CADM2: variants seen among roughly 807,000 people sequenced by gnomAD.
CADM2 encodes the protein immunoglobulin superfamily member 4D.
A neutral mutation model predicts 49.8 loss-of-function variants in CADM2; 12 were observed. The ratio of observed to expected loss-of-function variants is 0.24; its 90% confidence interval spans 0.15 to 0.39. The LOEUF is 0.39. Ranked by LOEUF, CADM2 falls within the 10% of genes least tolerant of loss-of-function variation. The probability of loss-of-function intolerance (pLI) is 1.00; values close to 1 mark genes in which losing one functional copy is unlikely to be tolerated. For synonymous variants in CADM2, 214 were observed against 175.4 expected (o/e 1.22, Z -1.74); for missense variants, 378 against 492.3 (o/e 0.77, Z 2.20).
intron 8 of CADM2, among the ~76,000 whole-genome samples, chr3:85,987,506 A>C (rs1319289561): frequency 6.6e-6 from 1 of 150,420 alleles, no homozygotes; most frequent in Non-Finnish European, 1.5e-5. Context: ...TTTTCTGAAA[A>C]ACAATCCCTA....
intron 1 of CADM2, among the ~76,000 whole-genome samples, chr3:85,342,480 A>G (rs1327523269): frequency 1.3e-5 from 2 of 152,072 alleles, no homozygotes; most frequent in Admixed American, 1.3e-4. Context: ...TGGGGAGATA[A>G]TACATTAGAG....
At chr3:85,674,257 A>AAAC (rs2065828841) in intron 1 of CADM2, among the ~76,000 whole-genome samples, 1 of 152,188 alleles carries the variant, frequency 6.6e-6, no homozygotes, top group African/African-American at 2.4e-5. Flanking sequence ...TATGATAAGG[A>AAAC]AACATCTCCA....
At chr3:85,231,680 TA>T (rs2042292407) in intron 1 of CADM2, among the ~76,000 whole-genome samples, 1 of 150,642 alleles carries the variant, frequency 6.6e-6, no homozygotes, top group African/African-American at 2.4e-5. Flanking sequence ...ATAAGTGGGG[TA>T]GGGGGAGTAT....
At chr3:85,381,349 G>A (rs1029973175) in intron 1 of CADM2, among the ~76,000 whole-genome samples, 1 of 150,750 alleles carries the variant, frequency 6.6e-6, no homozygotes, top group Non-Finnish European at 1.5e-5. Flanking sequence ...GTGGAATTTT[G>A]ACTTCTGATC....
chr3:85,600,018 G>T (rs1216144172), intron 1 of CADM2, among the ~76,000 whole-genome samples: 2 of 151,958 alleles, frequency 1.3e-5, no homozygotes, highest in African/African-American at 4.8e-5. Context: ...ATTCAAAAAT[G>T]TAGCACAAAC....
intron 8 of CADM2, among the ~76,000 whole-genome samples, chr3:86,020,965 A>G (rs1733082572): frequency 6.6e-6 from 1 of 152,090 alleles, no homozygotes; most frequent in Admixed American, 6.6e-5. Flanking sequence ...CCTATTCAAC[A>G]TAGTGTTGGA....
At chr3:85,895,961 G>A (rs1715160696) in intron 5 of CADM2, among the ~76,000 whole-genome samples, 1 of 152,114 alleles carries the variant, frequency 6.6e-6, no homozygotes, top group South Asian at 2.1e-4. Context: ...TTTATTAGTA[G>A]TGTGAGAATG....
rs532871691 is a variant in CADM2, at chr3:85,299,207, C to A, written c.61+339539C>A. 2.6e-5 allele frequency among the ~76,000 whole-genome samples: 4 copies of A among 152,074 alleles called. No individual in the cohort carries two copies. The South Asian group carries it at 6.2e-4, about 24-fold the overall frequency. On this transcript the variant is annotated intron_variant, in intron 1 of 9. Transcript: ENST00000383699. ...CAGAAATTTTACATTTATTTACAAA[C>A]GAATAACTATTATTTGCTAAATATA...
At chr3:84,982,811 T>C (rs1230800171) in intron 1 of CADM2, among the ~76,000 whole-genome samples, 3 of 149,616 alleles carry the variant, frequency 2.0e-5, no homozygotes, top group East Asian at 4.0e-4. Flanking sequence ...AGTGATGTGA[T>C]CTCAGCTCAC....
Position 84,959,215 on chromosome 3 carries a change from T to C in CADM2, c.-393T>C. The C allele has an allele frequency of 3.3e-6, 1 of 299,190 alleles. No homozygotes were observed. The highest frequency in any genetic ancestry group is 3.8e-5 in the South Asian group (1 of 26,298). The allele number at this position is 299,190 out of a possible 1,614,324, so 18.5% of individuals were successfully genotyped here. On this transcript the variant is annotated 5_prime_UTR_variant, in exon 1 of 10. Coordinates refer to ENST00000383699, the MANE Select transcript of CADM2 (RefSeq NM_001167675.2). ...CCCTTCCCCTCCGTGACCTACCCACTCCTTGCAGCCCTCGCCCGCACCTTC... is the reference window on the plus strand; with the variant it reads ...CCCTTCCCCTCCGTGACCTACCCACCCCTTGCAGCCCTCGCCCGCACCTTC...
At chr3:86,042,048 A>G (rs979500981) in intron 8 of CADM2, among the ~76,000 whole-genome samples, 12 of 152,236 alleles carry the variant, frequency 7.9e-5, no homozygotes, top group African/African-American at 2.7e-4. Context: ...AAGACACAAC[A>G]TACCAGAAAC....
chr3:85,635,416 C>A (rs2064440144), intron 1 of CADM2, among the ~76,000 whole-genome samples: 1 of 152,104 alleles, frequency 6.6e-6, no homozygotes. Context: ...AAACTAGTCA[C>A]AGTAATCTCG....
intron 1 of CADM2, among the ~76,000 whole-genome samples, chr3:85,401,476 A>G (rs888707181): frequency 6.6e-6 from 1 of 152,144 alleles, no homozygotes; most frequent in Non-Finnish European, 1.5e-5. Context: ...CTTGGTTGGC[A>G]TGTGGTGAAG....
intron 1 of CADM2, among the ~76,000 whole-genome samples, chr3:85,071,894 G>A (rs899776564): frequency 1.3e-5 from 2 of 151,362 alleles, no homozygotes; most frequent in Admixed American, 6.6e-5. Context: ...TACCAACAAG[G>A]TCATTCTGGT....
chr3:85,919,954 C>T (rs575751946), intron 6 of CADM2, among the ~76,000 whole-genome samples: 6 of 151,980 alleles, frequency 3.9e-5, no homozygotes, highest in African/African-American at 1.4e-4. Context: ...GGCAGAGATT[C>T]TTTATTTCAT....
At chr3:85,298,047 A>G (rs2044008487) in intron 1 of CADM2, among the ~76,000 whole-genome samples, 2 of 152,028 alleles carry the variant, frequency 1.3e-5, no homozygotes, top group Non-Finnish European at 2.9e-5. Context: ...GTTTATTACC[A>G]TATTATTTAG....
chr3:85,739,099 A>G lies in CADM2; in HGVS notation c.88+12551A>G, dbSNP rs116622310. Among the ~76,000 whole-genome samples the G allele has an allele frequency of 8.5e-3, 1,292 of 152,266 alleles. 10 individuals carry two copies. The highest frequency in any genetic ancestry group is 0.014 in the Non-Finnish European group (950 of 67,964). ...AAAATAAACATCACCATTTTGCCCT[A>G]CATGATGACATTTATCATTGGCTTC... On this transcript the variant is annotated intron_variant, in intron 2 of 9. Transcript: ENST00000383699.
intron 2 of CADM2, among the ~76,000 whole-genome samples, chr3:85,784,047 CAT>C (rs1358430422): frequency 2.0e-5 from 3 of 152,316 alleles, no homozygotes; most frequent in East Asian, 1.9e-4. Context: ...CACACACACA[CAT>C]GCGTGCATGC....
At chr3:85,642,167 A>G (rs1298428003) in intron 1 of CADM2, among the ~76,000 whole-genome samples, 3 of 152,204 alleles carry the variant, frequency 2.0e-5, no homozygotes, top group Non-Finnish European at 4.4e-5. Flanking sequence ...TCATACTTAG[A>G]TAGACAGCCC....
Sources: allele counts gnomAD v4.1 joint callset (sites outside exome capture counted in the v4.1 genomes callset), GRCh38; gene constraint gnomAD v4.1.1; transcripts MANE v1.5; gene names NCBI Gene and HGNC (gene_info 2026-07-23, HGNC 2026-07-21).